Variants in MEIS1 observed in about 807,000 individuals in gnomAD.
MEIS1 encodes homeobox protein Meis1.
Under a neutral mutation model 50.8 loss-of-function variants are expected in MEIS1, and 5 were observed. The observed-to-expected ratio is 0.10, with a 90% CI of 0.05 to 0.21. The LOEUF (loss-of-function observed/expected upper bound fraction) is 0.21. Ranked by LOEUF, MEIS1 falls within the 10% of genes least tolerant of loss-of-function variation. The probability of loss-of-function intolerance (pLI) is 1.00; values close to 1 mark genes in which losing one functional copy is unlikely to be tolerated. For synonymous variants in MEIS1, 176 were observed against 179.3 expected (o/e 0.98, Z 0.15); for missense variants, 318 against 517.3 (o/e 0.61, Z 3.74).
intron 2 of MEIS1, 22 bp downstream of exon 2, chr2:66,437,985 T>C: frequency 1.3e-6 from 2 of 1,542,110 alleles, no homozygotes; most frequent in Non-Finnish European, 1.8e-6. Context: ...GGGCAGCAGG[T>C]TAAGTAGTTG....
chr2:66,508,885 A>G (rs1400066995), intron 7 of MEIS1: 4 of 401,696 alleles, frequency 1.0e-5, no homozygotes, highest in Non-Finnish European at 2.0e-5. Context: ...CATCATTTTT[A>G]TGATTATTTC....
At chr2:66,543,641 C>T (rs575645359) in intron 8 of MEIS1, among the ~76,000 whole-genome samples, 8 of 152,266 alleles carry the variant, frequency 5.3e-5, no homozygotes, top group Admixed American at 1.3e-4. Flanking sequence ...GGGAAACACT[C>T]GAGAAAGAAC....
intron 9 of MEIS1, among the ~76,000 whole-genome samples, chr2:66,560,340 C>G (rs1385792264): frequency 6.6e-6 from 1 of 151,802 alleles, no homozygotes; most frequent in Non-Finnish European, 1.5e-5. Flanking sequence ...ACACCCAGCA[C>G]TTTGGGAGGC....
intron 9 of MEIS1, among the ~76,000 whole-genome samples, chr2:66,564,515 A>G (rs1422452502): frequency 6.6e-6 from 1 of 152,186 alleles, no homozygotes; most frequent in African/African-American, 2.4e-5. Context: ...AATGGACTCA[A>G]TATCCTAGAA....
intron 7 of MEIS1, among the ~76,000 whole-genome samples, chr2:66,503,603 C>T (rs1447484794): frequency 6.6e-6 from 1 of 152,114 alleles, no homozygotes; most frequent in African/African-American, 2.4e-5. Flanking sequence ...TTGATAGAAA[C>T]AGAAACTGCT....
chr2:66,522,455 G>T lies in MEIS1; in HGVS notation c.888+10161G>T, dbSNP rs968931838. Among the ~76,000 whole-genome samples the T allele has an allele frequency of 4.6e-5, 7 of 152,328 alleles. No homozygotes were observed. In the South Asian group the frequency reaches 1.2e-3, roughly 27 times the overall value. Reference sequence around the variant, plus strand: ...GCCAGGCGAGGGGATCCTCCTGTTGGAGATGCCTGTTGCCAACAATGTATT... The same window carrying T: ...GCCAGGCGAGGGGATCCTCCTGTTGTAGATGCCTGTTGCCAACAATGTATT... On this transcript the variant is annotated intron_variant, in intron 8 of 12. Coordinates refer to ENST00000272369, the MANE Select transcript of MEIS1 (RefSeq NM_002398.3).
At chr2:66,455,826 T>G (rs191212970) in intron 6 of MEIS1, among the ~76,000 whole-genome samples, 5 of 152,312 alleles carry the variant, frequency 3.3e-5, no homozygotes, top group South Asian at 2.1e-4. Flanking sequence ...TCCATTACAA[T>G]GTAATTAAAA....
chr2:66,476,064 G>T (rs1672885780), intron 7 of MEIS1, among the ~76,000 whole-genome samples: 1 of 152,128 alleles, frequency 6.6e-6, no homozygotes, highest in South Asian at 2.1e-4. Flanking sequence ...TCAGGAATGG[G>T]GTTGAGGATG....
At chr2:66,436,956 T>C (rs1671812245) in intron 1 of MEIS1, 1 of 985,038 alleles carries the variant, frequency 1.0e-6, no homozygotes, top group Non-Finnish European at 1.2e-6. Flanking sequence ...GAGTAACATT[T>C]GCCTCCTTGA....
At chr2:66,473,492 G>A (rs776951873) in intron 7 of MEIS1, among the ~76,000 whole-genome samples, 1 of 148,216 alleles carries the variant, frequency 6.7e-6, no homozygotes, top group Non-Finnish European at 1.5e-5. Context: ...CTGAATTTTT[G>A]AAGTAGTGAT....
Position 66,571,754 on chromosome 2 carries a change from G to A in MEIS1, c.*546G>A. The A allele has an allele frequency of 1.8e-6, 1 of 550,762 alleles. No individual in the cohort carries two copies. The highest frequency in any genetic ancestry group is 3.2e-6 in the Non-Finnish European group (1 of 315,594). The allele number at this position is 550,762 out of a possible 1,614,324, so 34.1% of individuals were successfully genotyped here. A position where few individuals can be genotyped will look rare whatever the true frequency, so the allele number is the denominator to read the frequency against. Reference sequence around the variant, plus strand: ...GAACAAAGAGTGAAATATTGTAAATGCTATTATACTGTTATCCATATTACG... The same window carrying A: ...GAACAAAGAGTGAAATATTGTAAATACTATTATACTGTTATCCATATTACG... On this transcript the variant is annotated 3_prime_UTR_variant, in exon 13 of 13. Transcript: ENST00000272369.
chr2:66,465,758 A>G (rs1672620672), intron 7 of MEIS1, among the ~76,000 whole-genome samples: 1 of 152,208 alleles, frequency 6.6e-6, no homozygotes, highest in South Asian at 2.1e-4. Context: ...ATGCACTTGA[A>G]TTTAAAATTG....
At chr2:66,445,760 T>C (rs996836497) in intron 6 of MEIS1, among the ~76,000 whole-genome samples, 1 of 152,236 alleles carries the variant, frequency 6.6e-6, no homozygotes, top group Admixed American at 6.5e-5. Flanking sequence ...CCCGGAGGGC[T>C]AAGTCGGCGG....
chr2:66,562,240 T>C (rs554351164), intron 9 of MEIS1: 1 of 151,542 alleles, frequency 6.6e-6, no homozygotes. Flanking sequence ...AACTTAGCAA[T>C]TCAGTTTTGG....
intron 8 of MEIS1, among the ~76,000 whole-genome samples, chr2:66,532,939 G>A (rs1291555272): frequency 6.6e-6 from 1 of 152,014 alleles, no homozygotes; most frequent in African/African-American, 2.4e-5. Context: ...AAAGAAGACA[G>A]TTTTTTTTAT....
At chr2:66,557,924 C>T (rs534977751) in intron 9 of MEIS1, among the ~76,000 whole-genome samples, 1 of 152,144 alleles carries the variant, frequency 6.6e-6, no homozygotes, top group Non-Finnish European at 1.5e-5. Context: ...CTACACACTG[C>T]TCTCACTTTC....
At chr2:66,450,987 C>T (rs1672264758) in intron 6 of MEIS1, among the ~76,000 whole-genome samples, 1 of 152,060 alleles carries the variant, frequency 6.6e-6, no homozygotes, top group Non-Finnish European at 1.5e-5. Context: ...TGCTAGGTCT[C>T]ATTTTCCTAT....
At chr2:66,536,743 T>C (rs1674528406) in intron 8 of MEIS1, among the ~76,000 whole-genome samples, 1 of 152,214 alleles carries the variant, frequency 6.6e-6, no homozygotes, top group South Asian at 2.1e-4. Context: ...GTGGAAAATG[T>C]CTAAAACGAC....
chr2:66,568,520 G>C, intron 10 of MEIS1, 147 bp from the exon 11 acceptor site: 1 of 360,798 alleles, frequency 2.8e-6, no homozygotes, highest in East Asian at 4.2e-5. Context: ...TAGTCTGAGA[G>C]AAATTTCACT....
Sources: allele counts gnomAD v4.1 joint callset (sites outside exome capture counted in the v4.1 genomes callset), GRCh38; gene constraint gnomAD v4.1.1; transcripts MANE v1.5; gene names NCBI Gene and HGNC (gene_info 2026-07-23, HGNC 2026-07-21).